Variants in TENM4 observed in about 807,000 individuals in gnomAD.
TENM4 encodes teneurin transmembrane protein 4.
In TENM4, 82 loss-of-function variants were observed where a neutral mutation model predicts 243.3. That is an observed-to-expected ratio of 0.34 (90% CI 0.28 to 0.40). The LOEUF (loss-of-function observed/expected upper bound fraction) is 0.40, where lower values mean the gene tolerates loss of function less well. TENM4 is among the 10% of genes least tolerant of loss of function. The probability of loss-of-function intolerance (pLI) is 1.00; values close to 1 mark genes in which losing one functional copy is unlikely to be tolerated. For synonymous variants in TENM4, 1,412 were observed against 1,456.3 expected (o/e 0.97, Z 0.69); for missense variants, 3,138 against 3,673.3 (o/e 0.85, Z 3.77).
chr11:79,001,484 C>CG (rs571635888), intron 6 of TENM4, among the ~76,000 whole-genome samples: 8 of 152,102 alleles, frequency 5.3e-5, no homozygotes, highest in African/African-American at 7.2e-5. Flanking sequence ...GAGACCCCCC[C>CG]CAAATCCCAT....
At chr11:79,228,218 G>A (rs1225806044) in intron 2 of TENM4, among the ~76,000 whole-genome samples, 1 of 152,144 alleles carries the variant, frequency 6.6e-6, no homozygotes, top group Non-Finnish European at 1.5e-5. Flanking sequence ...CGGGTGGTGG[G>A]CCAGCTTCCC....
chr11:79,115,337 C>A (rs1861596236), intron 4 of TENM4, among the ~76,000 whole-genome samples: 1 of 152,100 alleles, frequency 6.6e-6, no homozygotes, highest in Non-Finnish European at 1.5e-5. Context: ...TAATCCATGT[C>A]AAATTATCTC....
intron 2 of TENM4, among the ~76,000 whole-genome samples, chr11:79,241,831 C>A (rs1855426472): frequency 6.6e-6 from 1 of 152,158 alleles, no homozygotes; most frequent in Admixed American, 6.5e-5. Flanking sequence ...CTCAAATCAA[C>A]CCCCACTCAT....
chr11:79,222,945 T>G lies in TENM4; in HGVS notation c.-264-7036A>C, dbSNP rs575639. On this transcript the variant is annotated intron_variant, in intron 2 of 33. Coordinates refer to ENST00000278550, the MANE Select transcript of TENM4 (RefSeq NM_001098816.3). ...TTGGGAGCTGAACAATGAGAACACA[T>G]GAACGCAGGGAGGGAAACAACATAC... Among the ~76,000 whole-genome samples the G allele has an allele frequency of 4.3e-3, 652 of 151,908 alleles. 3 individuals carry two copies. Among genetic ancestry groups the G allele is most frequent in the Middle Eastern group, 0.014 (4 of 294 alleles).
At chr11:79,337,511 G>A (rs1016867185) in intron 1 of TENM4, among the ~76,000 whole-genome samples, 4 of 152,196 alleles carry the variant, frequency 2.6e-5, no homozygotes, top group African/African-American at 9.7e-5. Flanking sequence ...AGCAGAGACT[G>A]GGGTAGTTAC....
chr11:78,721,458 A>G (rs1859650152), intron 24 of TENM4, among the ~76,000 whole-genome samples: 7 of 152,184 alleles, frequency 4.6e-5, no homozygotes. Context: ...CCAGGGAGGA[A>G]CTTAACAAGG....
intron 6 of TENM4, among the ~76,000 whole-genome samples, chr11:78,935,205 G>T (rs1856758824): frequency 6.6e-6 from 1 of 151,190 alleles, no homozygotes; most frequent in Admixed American, 6.6e-5. Context: ...TAGAGACGGG[G>T]TTTCACCTTG....
At chr11:78,904,332 C>T (rs1196293951) in intron 6 of TENM4, among the ~76,000 whole-genome samples, 1 of 133,472 alleles carries the variant, frequency 7.5e-6, no homozygotes, top group Non-Finnish European at 1.5e-5. Flanking sequence ...TGCACTCCAG[C>T]CTGAGCTACA....
intron 1 of TENM4, among the ~76,000 whole-genome samples, chr11:79,404,329 G>A (rs1230103568): frequency 6.6e-6 from 1 of 152,182 alleles, no homozygotes; most frequent in African/African-American, 2.4e-5. Context: ...ATGGCAAAGG[G>A]GAAAAAGCTC....
intron 12 of TENM4, among the ~76,000 whole-genome samples, chr11:78,820,653 AAACAAGGAAATGTGGGTT>A (rs1857706440): frequency 1.3e-5 from 2 of 152,236 alleles, no homozygotes; most frequent in African/African-American, 4.8e-5. Context: ...AAATGAATCC[AAACAAGGAAATGTGGGTT>A]TCTGGGGGGT....
chr11:79,170,607 G>C (rs1863019360), intron 3 of TENM4, among the ~76,000 whole-genome samples: 1 of 152,176 alleles, frequency 6.6e-6, no homozygotes, highest in African/African-American at 2.4e-5. Flanking sequence ...TGAAGATGAA[G>C]GCAGAGACTG....
Position 79,294,705 on chromosome 11 carries a change from T to C in TENM4, c.-265+2783A>G, listed in dbSNP as rs546573888. Among the ~76,000 whole-genome samples the C allele has an allele frequency of 7.2e-5, 11 of 151,924 alleles. No homozygotes were observed. In the South Asian group the frequency reaches 1.5e-3, roughly 20 times the overall value. ...CTCTACTAAAAATACAAAAATTAGCTGGGGGTGGTGGCGGTTGCATGTAAT... is the reference window on the plus strand; with the variant it reads ...CTCTACTAAAAATACAAAAATTAGCCGGGGGTGGTGGCGGTTGCATGTAAT... On this transcript the variant is annotated intron_variant, in intron 2 of 33. Transcript: ENST00000278550.
intron 2 of TENM4, among the ~76,000 whole-genome samples, chr11:79,284,571 T>C (rs1856215200): frequency 6.6e-6 from 1 of 152,202 alleles, no homozygotes; most frequent in Non-Finnish European, 1.5e-5. Flanking sequence ...CATAGATCCA[T>C]GTGTAAATCT....
intron 6 of TENM4, among the ~76,000 whole-genome samples, chr11:78,969,030 G>A (rs1239713205): frequency 4.6e-5 from 7 of 152,194 alleles, no homozygotes; most frequent in African/African-American, 9.6e-5. Context: ...AAAAAAAGGA[G>A]TAATGATACC....
chr11:78,726,724 C>T (rs998564645), intron 22 of TENM4, among the ~76,000 whole-genome samples: 3 of 151,560 alleles, frequency 2.0e-5, no homozygotes, highest in African/African-American at 7.3e-5. Flanking sequence ...CCTCCCACCA[C>T]CCCAGGTCCT....
chr11:78,841,946 C>T (rs553395904), intron 12 of TENM4, among the ~76,000 whole-genome samples: 11 of 152,276 alleles, frequency 7.2e-5, no homozygotes, highest in African/African-American at 2.6e-4. Flanking sequence ...GTTTTCTCTA[C>T]TTTTTCCCGT....
intron 22 of TENM4, among the ~76,000 whole-genome samples, chr11:78,727,344 G>A (rs1477282415): frequency 1.3e-5 from 2 of 151,878 alleles, no homozygotes; most frequent in African/African-American, 4.8e-5. Flanking sequence ...CTACTCGGGA[G>A]GCTGAGGCAG....
chr11:78,908,202 G>C (rs978866789), intron 6 of TENM4, among the ~76,000 whole-genome samples: 1 of 152,172 alleles, frequency 6.6e-6, no homozygotes, highest in Non-Finnish European at 1.5e-5. Context: ...AGAGAGCCCT[G>C]AGTTCAAGTT....
intron 1 of TENM4, among the ~76,000 whole-genome samples, chr11:79,386,998 C>T (rs1036367125): frequency 7.2e-5 from 11 of 152,120 alleles, no homozygotes; most frequent in Admixed American, 4.6e-4. Context: ...AGAAAGTAAC[C>T]GAATGTCCAG....
Sources: gnomAD v4.1 joint callset for allele counts (sites outside exome capture counted in the v4.1 genomes callset) on GRCh38, gnomAD v4.1.1 for gene constraint, MANE v1.5 for transcripts, NCBI Gene and HGNC (gene_info 2026-07-23, HGNC 2026-07-21) for gene names.